The following VPS50 variants were observed in gnomAD, a reference collection of about 807,000 sequenced individuals.
The protein encoded by VPS50 is VPS50 subunit of EARP/GARPII complex.
VPS50 carries 70 observed loss-of-function variants against 139.7 expected under a neutral mutation model. The ratio of observed to expected loss-of-function variants is 0.50; its 90% CI spans 0.41 to 0.61. The LOEUF (loss-of-function observed/expected upper bound fraction) is 0.61, where lower values mean the gene tolerates loss of function less well. Ranked by LOEUF, VPS50 falls within the 20% of genes least tolerant of loss-of-function variation. The probability of loss-of-function intolerance (pLI) is 0.00; values close to 1 mark genes in which losing one functional copy is unlikely to be tolerated. For synonymous variants in VPS50, 365 were observed against 376.7 expected (o/e 0.97, Z 0.36); for missense variants, 921 against 1,133.7 (o/e 0.81, Z 2.69).
chr7:93,261,547 G>A (rs969808678), intron 9 of VPS50, among the ~76,000 whole-genome samples: 3 of 151,740 alleles, frequency 2.0e-5, no homozygotes, highest in Middle Eastern at 3.4e-3. Context: ...GCCTGGTGGC[G>A]GGCGCCTGTA....
Position 93,271,203 on chromosome 7 carries a change from T to G in VPS50, c.660-17T>G, listed in dbSNP as rs767795416. ...GTCTCAGAAATAGAAAAAAACTGTT[T>G]TTTTTTTTTTTAATAGTGAACTGAA... On this transcript the variant is annotated splice_polypyrimidine_tract_variant and intron_variant, in intron 9 of 27. Transcript: ENST00000305866. 8.4e-6 allele frequency: 13 copies of G among 1,538,538 alleles called. No individual in the cohort carries two copies. The highest frequency in any genetic ancestry group is 6.2e-5 in the South Asian group (5 of 80,882).
intron 23 of VPS50, among the ~76,000 whole-genome samples, chr7:93,342,029 A>G (rs1241468912): frequency 2.0e-5 from 3 of 152,202 alleles, no homozygotes; most frequent in Non-Finnish European, 4.4e-5. Context: ...TGAACGACAC[A>G]GAAGACGGGT....
intron 12 of VPS50, among the ~76,000 whole-genome samples, chr7:93,283,949 G>C (rs1652815433): frequency 6.6e-6 from 1 of 152,162 alleles, no homozygotes; most frequent in Non-Finnish European, 1.5e-5. Context: ...CACATGCTTT[G>C]GGTAACCATT....
chr7:93,330,770 A>AC (rs1797914043), intron 21 of VPS50, among the ~76,000 whole-genome samples: 1 of 151,016 alleles, frequency 6.6e-6, no homozygotes, highest in Admixed American at 6.6e-5. Flanking sequence ...TCAAAAAAAA[A>AC]AAAAAAAAAA....
In VPS50 at chr7:93,289,092, C is replaced by A. The variant is rs961313610; in HGVS notation, c.943-2611C>A. Among the ~76,000 whole-genome samples the A allele has an allele frequency of 1.4e-4, 21 of 152,102 alleles. No individual in the cohort carries two copies. In the East Asian group the frequency reaches 3.5e-3, roughly 25 times the overall value. On this transcript the variant is annotated intron_variant, in intron 12 of 27. Transcript: ENST00000305866. ...TAGAAACTCTGTTAGGTGTTTCATC[C>A]AAGTTTTTTTTAGGCCGTGGTTAAG...
At chr7:93,240,017 GC>G (rs1414789443) in intron 2 of VPS50, 83 bp downstream of exon 2, 5 of 842,910 alleles carry the variant, frequency 5.9e-6, no homozygotes, top group South Asian at 5.8e-5. Flanking sequence ...ATTCACAGAA[GC>G]TTTTCTTTCC....
At chr7:93,258,009 GC>G (rs1795541891) in intron 6 of VPS50, 149 bp from the exon 7 acceptor site, 5 of 559,426 alleles carry the variant, frequency 8.9e-6, no homozygotes, top group Non-Finnish European at 1.6e-5. Flanking sequence ...GTTTAGACTG[GC>G]CATTGAGTAC....
intron 13 of VPS50, among the ~76,000 whole-genome samples, chr7:93,292,210 T>C (rs908974724): frequency 6.6e-6 from 1 of 152,076 alleles, no homozygotes; most frequent in Non-Finnish European, 1.5e-5. Context: ...ATTTAGCCAA[T>C]TTTCAAGTTA....
intron 12 of VPS50, among the ~76,000 whole-genome samples, chr7:93,288,424 A>G (rs1562870272): frequency 1.3e-5 from 2 of 152,196 alleles, no homozygotes; most frequent in East Asian, 3.8e-4. Flanking sequence ...AATTACAAAT[A>G]ATCCTTTAAT....
At chr7:93,356,229 CT>C (rs1798703474) in intron 27 of VPS50, 149 bp downstream of exon 27, 1 of 424,840 alleles carries the variant, frequency 2.4e-6, no homozygotes, top group African/African-American at 2.0e-5. Flanking sequence ...AATTCTTTGC[CT>C]TATTCAGATT....
chr7:93,357,429 C>T (rs1337997574), intron 27 of VPS50, among the ~76,000 whole-genome samples: 1 of 152,084 alleles, frequency 6.6e-6, no homozygotes, highest in Admixed American at 6.6e-5. Context: ...ATGAGTCCAG[C>T]GATCACTGAC....
intron 9 of VPS50, among the ~76,000 whole-genome samples, chr7:93,261,015 G>C (rs906227074): frequency 3.3e-5 from 5 of 152,120 alleles, no homozygotes; most frequent in African/African-American, 4.8e-5. Flanking sequence ...CATTTTGAGA[G>C]TGATTAACTG....
intron 12 of VPS50, among the ~76,000 whole-genome samples, chr7:93,286,595 A>G (rs1048309368): frequency 5.9e-5 from 9 of 152,134 alleles, no homozygotes; most frequent in African/African-American, 2.2e-4. Context: ...GTCTCTTTCC[A>G]TTATGCTCTG....
chr7:93,330,477 G>A lies in VPS50; in HGVS notation c.1978-3640G>A, dbSNP rs192430341. On this transcript the variant is annotated intron_variant, in intron 21 of 27. Transcript: ENST00000305866. ...TACTTTAAATATAAAAAATAGGCTA[G>A]GCATGATGGTTCAGACTTGTAATCC... 1.2e-4 allele frequency among the ~76,000 whole-genome samples: 18 copies of A among 152,200 alleles called. No individual in the cohort carries two copies. The East Asian group carries it at 2.9e-3, about 24-fold the overall frequency.
intron 26 of VPS50, among the ~76,000 whole-genome samples, chr7:93,355,222 T>C (rs1415082298): frequency 6.6e-6 from 1 of 152,064 alleles, no homozygotes; most frequent in Non-Finnish European, 1.5e-5. Flanking sequence ...GAATTTTCCA[T>C]GTTCTGTATG....
At chr7:93,346,184 A>G (rs901422537) in intron 23 of VPS50, among the ~76,000 whole-genome samples, 2 of 152,186 alleles carry the variant, frequency 1.3e-5, no homozygotes, top group African/African-American at 4.8e-5. Flanking sequence ...TACACCAACA[A>G]CAGACAGAGA....
chr7:93,314,454 G>C lies in VPS50; in HGVS notation c.1855+3182G>C, dbSNP rs1797363873. On this transcript the variant is annotated intron_variant, in intron 20 of 27. Transcript: ENST00000305866. ...AGAACAGTTGCTTGTATTATATAAAGAGAAAATTCTGTCATCCTGATGGTT... is the reference window on the plus strand; with the variant it reads ...AGAACAGTTGCTTGTATTATATAAACAGAAAATTCTGTCATCCTGATGGTT... 2.0e-5 allele frequency among the ~76,000 whole-genome samples: 3 copies of C among 152,128 alleles called. No homozygotes were observed. In the East Asian group the frequency reaches 5.8e-4, roughly 29 times the overall value.
intron 16 of VPS50, among the ~76,000 whole-genome samples, chr7:93,302,206 T>C (rs868092744): frequency 5.3e-4 from 80 of 152,320 alleles, no homozygotes; most frequent in African/African-American, 1.8e-3. Flanking sequence ...GTATGAGCTA[T>C]GAGCACAGTC....
At chr7:93,293,932 A>C (rs1405787940) in intron 13 of VPS50, among the ~76,000 whole-genome samples, 14 of 152,194 alleles carry the variant, frequency 9.2e-5, no homozygotes, top group Non-Finnish European at 1.9e-4. Flanking sequence ...ATACTCACTT[A>C]GTTGTTCTTC....
Sources: gnomAD v4.1 joint callset for allele counts (sites outside exome capture counted in the v4.1 genomes callset) on GRCh38, gnomAD v4.1.1 for gene constraint, MANE v1.5 for transcripts, NCBI Gene and HGNC (gene_info 2026-07-23, HGNC 2026-07-21) for gene names.